SERINC5: variants seen among roughly 807,000 people sequenced by gnomAD.
The protein encoded by SERINC5 is serine incorporator 5, also known as chromosome 5 open reading frame 12.
Under a neutral mutation model 63.1 loss-of-function variants are expected in SERINC5, and 41 were observed. The observed-to-expected ratio is 0.65, with a 90% CI of 0.51 to 0.84. The LOEUF is 0.84. Ranked by LOEUF, SERINC5 falls within the 40% of genes least tolerant of loss-of-function variation. SERINC5 has a pLI of 0.00. For synonymous variants in SERINC5, 222 were observed against 215.2 expected (o/e 1.03, Z -0.28); for missense variants, 523 against 573.0 (o/e 0.91, Z 0.89).
chr5:80,218,389 A>T (rs1750761760), intron 1 of SERINC5, among the ~76,000 whole-genome samples: 1 of 152,158 alleles, frequency 6.6e-6, no homozygotes, highest in Admixed American at 6.5e-5. Flanking sequence ...AAAAATACAA[A>T]ATTAGCCAGG....
At chr5:80,245,965 TAAAAAAAAAA>T (rs57108110) in intron 1 of SERINC5, among the ~76,000 whole-genome samples, 87 of 115,958 alleles carry the variant, frequency 7.5e-4, no homozygotes, top group African/African-American at 2.7e-3. Flanking sequence ...GTCAGCTCTT[TAAAAAAAAAA>T]AAAAAAAAAA....
chr5:80,231,825 G>C (rs1291141212), intron 1 of SERINC5, among the ~76,000 whole-genome samples: 3 of 152,142 alleles, frequency 2.0e-5, no homozygotes, highest in Non-Finnish European at 4.4e-5. Flanking sequence ...GAATGGCCAG[G>C]TGCAGTGGCT....
At chr5:80,178,112 TGGA>T (rs1748164360) in intron 2 of SERINC5, 48 bp from the exon 3 acceptor site, 2 of 1,342,750 alleles carry the variant, frequency 1.5e-6, no homozygotes, top group African/African-American at 2.9e-5. Flanking sequence ...GAGTGAGAGG[TGGA>T]CTGTCACGGA....
chr5:80,178,756 T>G (rs1437117572), intron 2 of SERINC5, among the ~76,000 whole-genome samples: 1 of 150,434 alleles, frequency 6.6e-6, no homozygotes, highest in Non-Finnish European at 1.5e-5. Context: ...AATCAGAGAC[T>G]TCTTTTACTA....
chr5:80,191,314 A>G (rs560842667), intron 2 of SERINC5, among the ~76,000 whole-genome samples: 8 of 151,892 alleles, frequency 5.3e-5, no homozygotes, highest in Non-Finnish European at 1.2e-4. Context: ...TTCCAACTAA[A>G]TTTGTAATTT....
intron 1 of SERINC5, among the ~76,000 whole-genome samples, chr5:80,245,177 G>C (rs989773446): frequency 1.2e-4 from 18 of 151,928 alleles, no homozygotes; most frequent in African/African-American, 4.3e-4. Flanking sequence ...TTTCCTTCTC[G>C]TACTACAGCT....
At chr5:80,241,382 T>C (rs1432834954) in intron 1 of SERINC5, among the ~76,000 whole-genome samples, 2 of 152,052 alleles carry the variant, frequency 1.3e-5, no homozygotes, top group African/African-American at 4.8e-5. Context: ...GGCAGGAGAA[T>C]TGCCTGAACC....
chr5:80,254,526 T>G (rs1752563188), intron 1 of SERINC5, among the ~76,000 whole-genome samples: 2 of 152,228 alleles, frequency 1.3e-5, no homozygotes, highest in South Asian at 4.1e-4. Context: ...CCAGGACAGA[T>G]GCCCCTAAAG....
chr5:80,159,150 A>AT (rs1746727984), intron 7 of SERINC5, among the ~76,000 whole-genome samples, 188 bp from the exon 8 acceptor site: 1 of 152,158 alleles, frequency 6.6e-6, no homozygotes, highest in African/African-American at 2.4e-5. Context: ...TTCAAAGAAC[A>AT]TTCTCCCACA....
At chr5:80,213,714 G>A (rs1437724201) in intron 1 of SERINC5, among the ~76,000 whole-genome samples, 4 of 152,086 alleles carry the variant, frequency 2.6e-5, no homozygotes, top group Non-Finnish European at 5.9e-5. Flanking sequence ...AGTGAACATG[G>A]ATGGCTTCTT....
intron 1 of SERINC5, among the ~76,000 whole-genome samples, chr5:80,209,977 T>C (rs542162420): frequency 2.0e-5 from 3 of 150,930 alleles, no homozygotes; most frequent in African/African-American, 7.3e-5. Context: ...CCCAAATAGC[T>C]GGGACCACGG....
intron 1 of SERINC5, among the ~76,000 whole-genome samples, chr5:80,247,016 C>T (rs942310332): frequency 2.6e-5 from 4 of 152,148 alleles, no homozygotes; most frequent in Non-Finnish European, 5.9e-5. Context: ...ACCAACAATG[C>T]GGCTTGACTC....
intron 3 of SERINC5, 102 bp downstream of exon 3, chr5:80,177,784 A>C: frequency 3.4e-6 from 3 of 888,354 alleles, no homozygotes; most frequent in Non-Finnish European, 5.1e-6. Flanking sequence ...TTTCAACTAG[A>C]AGAAGGGCAG....
Position 80,139,593 on chromosome 5 carries a change from GAA to G in SERINC5, c.*4068_*4069del. On this transcript the variant is annotated 3_prime_UTR_variant, in exon 12 of 12. Coordinates refer to ENST00000507668, the MANE Select transcript of SERINC5 (RefSeq NM_001174072.3). ...CTGTGAAAGAGTTGTTGAGAAAGAAGAAAAGAGAGAGAGAGAGAAAGGTCTAA... is the reference window on the plus strand; with the variant it reads ...CTGTGAAAGAGTTGTTGAGAAAGAAGAAGAGAGAGAGAGAGAAAGGTCTAA... 1 of 527,186 alleles carries G rather than the reference GAA, an allele frequency of 1.9e-6. No homozygotes were observed. Among genetic ancestry groups the G allele is most frequent in the Non-Finnish European group, 2.2e-6 (1 of 452,664 alleles). 32.7% of individuals were successfully genotyped at this position (527,186 alleles called of 1,614,324 possible). A position where few individuals can be genotyped will look rare whatever the true frequency, so the allele number is the denominator to read the frequency against.
At chr5:80,168,515 T>A (rs1401724324) in intron 6 of SERINC5, among the ~76,000 whole-genome samples, 1 of 152,168 alleles carries the variant, frequency 6.6e-6, no homozygotes, top group Non-Finnish European at 1.5e-5. Context: ...GTTGCCTTTT[T>A]AAACCACTAT....
At chr5:80,242,341 G>GGT (rs1751977032) in intron 1 of SERINC5, among the ~76,000 whole-genome samples, 1 of 152,132 alleles carries the variant, frequency 6.6e-6, no homozygotes, top group Admixed American at 6.6e-5. Flanking sequence ...AAATAGGTCA[G>GGT]GTGTGGTGGC....
intron 5 of SERINC5, 51 bp from the exon 6 acceptor site, chr5:80,169,597 G>A (rs958373354): frequency 3.2e-5 from 47 of 1,454,456 alleles, no homozygotes; most frequent in Admixed American, 5.8e-5. Flanking sequence ...ACAAGTCAAC[G>A]AAGCCCACCA....
At chr5:80,155,738 C>T (rs1237587538) in intron 8 of SERINC5, among the ~76,000 whole-genome samples, 2 of 151,884 alleles carry the variant, frequency 1.3e-5, no homozygotes, top group Admixed American at 6.6e-5. Flanking sequence ...TGCCTTAAAA[C>T]ATTTTTTTTT....
chr5:80,135,109 G>A, downstream of SERINC5, among the ~76,000 whole-genome samples: 1 of 152,182 alleles, frequency 6.6e-6, no homozygotes, highest in Non-Finnish European at 1.5e-5. Context: ...CGTTGCCCAG[G>A]CTGGAGCACA....
Sources: gnomAD v4.1 joint callset for allele counts (sites outside exome capture counted in the v4.1 genomes callset) on GRCh38, gnomAD v4.1.1 for gene constraint, MANE v1.5 for transcripts, NCBI Gene and HGNC (gene_info 2026-07-23, HGNC 2026-07-21) for gene names.